PPM1E: variants seen among roughly 807,000 people sequenced by gnomAD.
The protein encoded by PPM1E is protein phosphatase, Mg2+/Mn2+ dependent 1E, also known as protein phosphatase 1E.
PPM1E carries 20 observed loss-of-function variants against 65.9 expected under a neutral mutation model. The observed-to-expected ratio is 0.30, with a 90% CI of 0.21 to 0.44. The LOEUF is 0.44. PPM1E is among the 20% of genes least tolerant of loss of function. The pLI, the probability that PPM1E is intolerant of heterozygous loss-of-function variation, is 1.00. For missense variants in PPM1E, 713 were observed against 953.1 expected (o/e 0.75, Z 3.32); for synonymous variants, 352 against 374.9 (o/e 0.94, Z 0.70).
intron 1 of PPM1E, among the ~76,000 whole-genome samples, chr17:58,817,738 C>G (rs1318730225): frequency 6.6e-6 from 1 of 151,638 alleles, no homozygotes; most frequent in Admixed American, 6.6e-5. Flanking sequence ...TTGCATTTCT[C>G]AAAAAGAATA....
intron 6 of PPM1E, among the ~76,000 whole-genome samples, chr17:58,977,088 T>A (rs2031048012): frequency 6.6e-6 from 1 of 152,122 alleles, no homozygotes; most frequent in Admixed American, 6.6e-5. Flanking sequence ...CACCTTAGCA[T>A]ATAAGTGAAG....
intron 1 of PPM1E, among the ~76,000 whole-genome samples, chr17:58,811,529 A>C (rs1272098108): frequency 6.6e-6 from 1 of 152,214 alleles, no homozygotes; most frequent in Non-Finnish European, 1.5e-5. Flanking sequence ...AGTGGTAGAA[A>C]AAAATTGAGA....
At chr17:58,767,926 G>A (rs1416635027) in intron 1 of PPM1E, among the ~76,000 whole-genome samples, 2 of 151,904 alleles carry the variant, frequency 1.3e-5, no homozygotes, top group Non-Finnish European at 2.9e-5. Flanking sequence ...ACAGGTGTGA[G>A]CCACCACGCC....
chr17:58,952,618 G>A (rs1298187347), intron 1 of PPM1E, among the ~76,000 whole-genome samples: 1 of 152,146 alleles, frequency 6.6e-6, no homozygotes, highest in Non-Finnish European at 1.5e-5. Context: ...TGCTTGGATG[G>A]CCCAGGGGGA....
chr17:58,800,849 T>C (rs1044733380), intron 1 of PPM1E, among the ~76,000 whole-genome samples: 1 of 152,174 alleles, frequency 6.6e-6, no homozygotes, highest in Non-Finnish European at 1.5e-5. Context: ...GTGTTGACTT[T>C]ATCAGTTTCA....
intron 1 of PPM1E, among the ~76,000 whole-genome samples, chr17:58,850,222 CTT>C (rs1212201804): frequency 6.6e-6 from 1 of 152,080 alleles, no homozygotes; most frequent in East Asian, 1.9e-4. Flanking sequence ...GGTCTTGACT[CTT>C]TATCCAATTT....
intron 1 of PPM1E, among the ~76,000 whole-genome samples, chr17:58,803,307 G>A (rs145506200): frequency 2.6e-5 from 4 of 152,130 alleles, no homozygotes; most frequent in Admixed American, 2.6e-4. Flanking sequence ...ATTTTGTTGA[G>A]TATTTTTCCT....
chr17:58,977,989 G>A (rs1191949550), intron 6 of PPM1E, among the ~76,000 whole-genome samples: 1 of 152,128 alleles, frequency 6.6e-6, no homozygotes, highest in Non-Finnish European at 1.5e-5. Flanking sequence ...GTATCCTCCC[G>A]CCTTGGCCTC....
At position 58,982,212 on chromosome 17, in the gene PPM1E, C is replaced by T. The variant is rs1434532275; in HGVS notation, c.*1181C>T. 1.3e-5 allele frequency: 2 copies of T among 152,620 alleles called. No homozygotes were observed. Among genetic ancestry groups the T allele is most frequent in the South Asian group, 2.1e-4 (1 of 4,826 alleles). The allele number at this position is 152,620 out of a possible 1,614,324, so 9.5% of individuals were successfully genotyped here. A position where few individuals can be genotyped will look rare whatever the true frequency, so the allele number is the denominator to read the frequency against. On this transcript the variant is annotated 3_prime_UTR_variant, in exon 7 of 7. Coordinates refer to ENST00000308249, the MANE Select transcript of PPM1E (RefSeq NM_014906.5). ...GTAGCTTCAGACTGCAGAGACAGGA[C>T]GTGTGCTTTTCATTTCAATATTTAG...
intron 1 of PPM1E, among the ~76,000 whole-genome samples, chr17:58,809,582 CT>C (rs1246940369): frequency 6.6e-6 from 1 of 152,080 alleles, no homozygotes; most frequent in Non-Finnish European, 1.5e-5. Context: ...CAGGGTCTTA[CT>C]ATGTTTCCCA....
Position 58,981,321 on chromosome 17 carries a change from C to A in PPM1E, c.*290C>A. The A allele has an allele frequency of 3.1e-6, 1 of 319,678 alleles. No homozygotes were observed. The highest frequency in any genetic ancestry group is 5.7e-6 in the Non-Finnish European group (1 of 175,370). 19.8% of individuals were successfully genotyped at this position (319,678 alleles called of 1,614,324 possible). On this transcript the variant is annotated 3_prime_UTR_variant, in exon 7 of 7. Coordinates refer to ENST00000308249, the MANE Select transcript of PPM1E (RefSeq NM_014906.5). ...TTCATGTCACTAGATACACAACCCC[C>A]TTCCCACCATCCCTTCAGTCACTAG...
chr17:58,846,094 T>G (rs1350708125), intron 1 of PPM1E, among the ~76,000 whole-genome samples: 1 of 152,218 alleles, frequency 6.6e-6, no homozygotes, highest in Non-Finnish European at 1.5e-5. Flanking sequence ...TTTTAGCTAC[T>G]GTGAATAATG....
intron 1 of PPM1E, among the ~76,000 whole-genome samples, chr17:58,818,237 G>T (rs1467339032): frequency 6.6e-6 from 1 of 152,172 alleles, no homozygotes; most frequent in Non-Finnish European, 1.5e-5. Context: ...TGCATACTGG[G>T]TGGGAGCTCT....
intron 1 of PPM1E, among the ~76,000 whole-genome samples, chr17:58,819,137 A>AGCCGTATTTCTATTTATTTATTTTTTT (rs2050455076): frequency 6.6e-6 from 1 of 152,102 alleles, no homozygotes. Flanking sequence ...AATTTTCCAC[A>AGCCGTATTTCTATTTATTTATTTTTTT]GCCGTATTTC....
intron 1 of PPM1E, among the ~76,000 whole-genome samples, chr17:58,764,177 A>G (rs1009581935): frequency 3.2e-4 from 48 of 151,990 alleles, no homozygotes; most frequent in African/African-American, 1.1e-3. Flanking sequence ...CACTTACAGT[A>G]CATCCCAATT....
intron 1 of PPM1E, among the ~76,000 whole-genome samples, chr17:58,837,427 T>C (rs1244995684): frequency 6.6e-6 from 1 of 151,600 alleles, no homozygotes; most frequent in Admixed American, 6.6e-5. Flanking sequence ...CTCAGAAAAA[T>C]TTATTGGACT....
rs780992600 is a variant in PPM1E, at chr17:58,792,743, C to CTT, written c.464+36310_464+36311dup. On this transcript the variant is annotated intron_variant, in intron 1 of 6. Coordinates refer to ENST00000308249, the MANE Select transcript of PPM1E (RefSeq NM_014906.5). ...TATTTTATTTTATAAGAATTTTACT[C>CTT]TTTTTTTTTTTTTTTTTTTTTTTTT... 3.6e-3 allele frequency among the ~76,000 whole-genome samples: 275 copies of CTT among 76,360 alleles called. 72 individuals are homozygous for CTT. The highest frequency in any genetic ancestry group is 0.014 in the African/African-American group (225 of 15,628). 50.1% of individuals were successfully genotyped at this position (76,360 alleles called of 152,430 possible). A position where few individuals can be genotyped will look rare whatever the true frequency, so the allele number is the denominator to read the frequency against.
intron 1 of PPM1E, among the ~76,000 whole-genome samples, chr17:58,937,226 T>C (rs2143588846): frequency 6.6e-6 from 1 of 151,324 alleles, no homozygotes; most frequent in South Asian, 2.1e-4. Context: ...ATAGTAACAA[T>C]ATTGTTTTAT....
chr17:58,767,977 GTCTCACTC>G, intron 1 of PPM1E, among the ~76,000 whole-genome samples: 1 of 150,924 alleles, frequency 6.6e-6, no homozygotes, highest in Admixed American at 6.6e-5. Flanking sequence ...TAGAGACAGA[GTCTCACTC>G]TGTTACCCAG....
Sources: gnomAD v4.1 joint callset for allele counts (sites outside exome capture counted in the v4.1 genomes callset) on GRCh38, gnomAD v4.1.1 for gene constraint, MANE v1.5 for transcripts, NCBI Gene and HGNC (gene_info 2026-07-23, HGNC 2026-07-21) for gene names.